ZNF577: variants seen among roughly 807,000 people sequenced by gnomAD.
The protein encoded by ZNF577 is zinc finger protein 577.
In ZNF577, 14 loss-of-function variants were observed where a neutral mutation model predicts 13.9. The observed-to-expected ratio is 1.00, with a 90% CI of 0.66 to 1.57. The LOEUF (loss-of-function observed/expected upper bound fraction) is 1.57, where lower values mean the gene tolerates loss of function less well. ZNF577 is among the 40% of genes most tolerant of loss of function. The pLI, the probability that ZNF577 is intolerant of heterozygous loss-of-function variation, is 0.00. For missense variants in ZNF577, 555 were observed against 579.2 expected (o/e 0.96, Z 0.43); for synonymous variants, 203 against 202.9 (o/e 1.00, Z 0.00).
intron 9 of ZNF577, among the ~76,000 whole-genome samples, chr19:51,821,050 C>T (rs1183325957): frequency 6.6e-6 from 1 of 152,186 alleles, no homozygotes; most frequent in Non-Finnish European, 1.5e-5. Flanking sequence ...CAGGATTGAG[C>T]CCCATGACAC....
intron 10 of ZNF577, among the ~76,000 whole-genome samples, chr19:51,810,193 C>A (rs554917959): frequency 3.3e-5 from 5 of 152,156 alleles, no homozygotes; most frequent in African/African-American, 7.2e-5. Context: ...CCACTGCTTG[C>A]GCTAATATTG....
rs1207117883 is a variant in ZNF577, at chr19:51,880,701, A to G, written c.-42T>C. On this transcript the variant is annotated 5_prime_UTR_variant, in exon 2 of 6. Transcript: ENST00000638348. ...CACCTGGGCCTTGCCCATTTCGTTC[A>G]ACTCTTAGGGGCTAGCAACTCTAGT... 1 of 349,368 alleles carries G rather than the reference A, an allele frequency of 2.9e-6. No individual in the cohort carries two copies. Among genetic ancestry groups the G allele is most frequent in the African/African-American group, 2.1e-5 (1 of 47,278 alleles). 21.6% of individuals were successfully genotyped at this position (349,368 alleles called of 1,614,324 possible).
chr19:51,845,072 G>A (rs1295372352), intron 5 of ZNF577: 4 of 152,184 alleles, frequency 2.6e-5, no homozygotes, highest in South Asian at 2.1e-4. Context: ...AGTACAATAC[G>A]TTGTTTTGAA....
chr19:51,875,255 C>T (rs2084738949), intron 5 of ZNF577, among the ~76,000 whole-genome samples: 2 of 150,860 alleles, frequency 1.3e-5, no homozygotes, highest in African/African-American at 4.9e-5. Context: ...CTCACCTACT[C>T]GGGAGGCTGA....
chr19:51,865,988 G>C (rs548257413), downstream of ZNF577, among the ~76,000 whole-genome samples: 4 of 151,962 alleles, frequency 2.6e-5, no homozygotes, highest in Non-Finnish European at 5.9e-5. Context: ...GGTGGCACAC[G>C]CATGTAATCC....
downstream of ZNF577, among the ~76,000 whole-genome samples, chr19:51,866,265 G>T (rs2084562632): frequency 6.6e-6 from 1 of 152,064 alleles, no homozygotes; most frequent in African/African-American, 2.4e-5. Context: ...TTTCAGCTCG[G>T]CAGATTCAAC....
rs981499842 is a variant in ZNF577 at position 51,824,989 on chromosome 19, G to A, written c.*600-13315C>T. 3 of 595,160 alleles carry A rather than the reference G, an allele frequency of 5.0e-6. No individual in the cohort carries two copies. In the African/African-American group the frequency reaches 5.6e-5, roughly 11 times the overall value. The allele number at this position is 595,160 out of a possible 1,614,324, so 36.9% of individuals were successfully genotyped here. On this transcript the variant is annotated intron_variant and NMD_transcript_variant, in intron 9 of 10. Coordinates refer to the ZNF577 transcript ENST00000638827. This position sits in a 1 kb window ranked among gnomAD's most constrained non-coding sequence, Gnocchi z 4.7. ...CAACCAAGCAATAGACACCAGCTGGGTGTCCTACAATTAAATTCCAACACT... is the reference window on the plus strand; with the variant it reads ...CAACCAAGCAATAGACACCAGCTGGATGTCCTACAATTAAATTCCAACACT...
intron 1 of ZNF577, 46 bp from the exon 2 acceptor site, chr19:51,880,923 G>C (rs2084852286): frequency 1.3e-5 from 2 of 153,784 alleles, no homozygotes; most frequent in African/African-American, 4.8e-5. Flanking sequence ...CATGCTCCTA[G>C]GATCACAAGT....
Position 51,871,161 on chromosome 19 carries a change from TG to T in ZNF577, c.*1370del. On this transcript the variant is annotated 3_prime_UTR_variant, in exon 6 of 6. Coordinates refer to ENST00000638348, the MANE Select transcript of ZNF577 (RefSeq NM_001370449.1). The stretch of plus-strand genomic sequence containing the variant: ...TTCTGTCACCCACGCTGTAGTGCAG[TG>T]GCATGATCATAGCTCACTGCAGTCA... The T allele has an allele frequency of 6.6e-6, 1 of 152,196 alleles. No homozygotes were observed. The allele number at this position is 152,196 out of a possible 1,614,324, so 9.4% of individuals were successfully genotyped here.
At chr19:51,849,462 T>C (rs1228375093) in intron 5 of ZNF577, among the ~76,000 whole-genome samples, 1 of 152,182 alleles carries the variant, frequency 6.6e-6, no homozygotes, top group Non-Finnish European at 1.5e-5. Flanking sequence ...GTAAAAGGAC[T>C]TACAGGAGTA....
Position 51,870,673 on chromosome 19 carries a change from A to C in ZNF577, c.*1859T>G, listed in dbSNP as rs1215895854. Among the ~76,000 whole-genome samples the C allele has an allele frequency of 2.0e-5, 3 of 152,190 alleles. No homozygotes were observed. Among genetic ancestry groups the C allele is most frequent in the Non-Finnish European group, 2.9e-5 (2 of 68,046 alleles). ...AAAAGGCTTGTGGGGGAAACTCTAC[A>C]GAACTCTCAATTCTTGAGTGCAGCT... On this transcript the variant is annotated 3_prime_UTR_variant, in exon 6 of 6. Transcript: ENST00000638348.
At chr19:51,811,264 T>C (rs1387663893) in intron 10 of ZNF577, among the ~76,000 whole-genome samples, 6 of 150,184 alleles carry the variant, frequency 4.0e-5, no homozygotes, top group Non-Finnish European at 7.4e-5. Context: ...GTGGAAACCA[T>C]GGGTTATGTG....
intron 5 of ZNF577, among the ~76,000 whole-genome samples, chr19:51,847,691 G>A (rs996073880): frequency 3.3e-5 from 5 of 152,140 alleles, no homozygotes; most frequent in South Asian, 2.1e-4. Context: ...ACCCCGAAGC[G>A]GCCTTAAACG....
At chr19:51,827,711 T>C (rs1353182969) in intron 9 of ZNF577, among the ~76,000 whole-genome samples, 1 of 152,222 alleles carries the variant, frequency 6.6e-6, no homozygotes, top group Non-Finnish European at 1.5e-5. Context: ...TAAACTACTC[T>C]GGTTAACCAT....
chr19:51,885,369 T>C (rs1252566127), intron 1 of ZNF577, among the ~76,000 whole-genome samples: 2 of 152,196 alleles, frequency 1.3e-5, no homozygotes, highest in Non-Finnish European at 2.9e-5. Flanking sequence ...GGTTAATCTA[T>C]ACCCTTTTAG....
chr19:51,817,069 C>T (rs149101049), intron 9 of ZNF577, among the ~76,000 whole-genome samples: 169 of 152,260 alleles, frequency 1.1e-3, no homozygotes, highest in African/African-American at 4.0e-3. Context: ...CAGTCTCCCA[C>T]AGAAGGTTAG....
At chr19:51,837,601 G>A (rs1176184766) in intron 9 of ZNF577, among the ~76,000 whole-genome samples, 1 of 152,164 alleles carries the variant, frequency 6.6e-6, no homozygotes, top group Non-Finnish European at 1.5e-5. Flanking sequence ...AGTGCACAAA[G>A]TCAGACACAA....
chr19:51,877,178 A>C, intron 5 of ZNF577, 104 bp downstream of exon 5: 1 of 921,296 alleles, frequency 1.1e-6, no homozygotes. Context: ...GCCACCAACT[A>C]CTGTGAAGTC....
intron 9 of ZNF577, among the ~76,000 whole-genome samples, chr19:51,831,648 A>G (rs1218289748): frequency 1.3e-5 from 2 of 152,064 alleles, no homozygotes; most frequent in Non-Finnish European, 2.9e-5. Context: ...GATCGTGCCC[A>G]TCTCTTGATT....
Sources: gnomAD v4.1 joint callset for allele counts (sites outside exome capture counted in the v4.1 genomes callset) on GRCh38, gnomAD v4.1.1 for gene constraint, Gnocchi (gnomAD v3.1) non-coding constraint, MANE v1.5 for transcripts, NCBI Gene and HGNC (gene_info 2026-07-23, HGNC 2026-07-21) for gene names.